Variants in CC2D2A observed in about 807,000 individuals in gnomAD.
The protein encoded by CC2D2A is coiled-coil and C2 domain-containing protein 2A.
Under a neutral mutation model 212.9 loss-of-function variants are expected in CC2D2A, and 155 were observed. The observed-to-expected ratio is 0.73, with a 90% CI of 0.64 to 0.83. The LOEUF (loss-of-function observed/expected upper bound fraction) is 0.83. CC2D2A is among the 40% of genes least tolerant of loss of function. The probability of loss-of-function intolerance (pLI) is 0.00; values close to 1 mark genes in which losing one functional copy is unlikely to be tolerated. For synonymous variants in CC2D2A, 667 were observed against 686.5 expected, an observed-to-expected ratio of 0.97 and a Z score of 0.44; for missense variants, 1,856 against 1,956.2, an observed-to-expected ratio of 0.95 and a Z score of 0.97.
intron 13 of CC2D2A, among the ~76,000 whole-genome samples, chr4:15,530,192 A>T (rs377030635): frequency 1.3e-5 from 2 of 152,084 alleles, no homozygotes; most frequent in Admixed American, 6.5e-5. Context: ...AAGATGGTCT[A>T]GATCTCCTGA....
intron 22 of CC2D2A, among the ~76,000 whole-genome samples, chr4:15,560,072 TCCAC>T: frequency 7.0e-6 from 1 of 143,116 alleles, no homozygotes; most frequent in East Asian, 2.3e-4. Flanking sequence ...GCTCAAGCAA[TCCAC>T]CCACCTTGGC....
At chr4:15,528,547 G>C (rs1339476353) in intron 12 of CC2D2A, 73 bp from the exon 13 acceptor site, 18 of 1,240,924 alleles carry the variant, frequency 1.5e-5, no homozygotes, top group Non-Finnish European at 2.0e-5. Flanking sequence ...CCCAGGAGAA[G>C]TGGGTGGGTC....
intron 4 of CC2D2A, among the ~76,000 whole-genome samples, chr4:15,490,368 A>G (rs1715229721): frequency 6.6e-6 from 1 of 152,218 alleles, no homozygotes; most frequent in African/African-American, 2.4e-5. Flanking sequence ...TTTTCTGAAC[A>G]TTGCATGTAA....
At chr4:15,476,188 C>A (rs13118306) in intron 2 of CC2D2A, among the ~76,000 whole-genome samples, 1 of 152,086 alleles carries the variant, frequency 6.6e-6, no homozygotes, top group East Asian at 1.9e-4. Flanking sequence ...GAGCTCTGCT[C>A]TGCTCTGTGG....
chr4:15,559,845 AGGGG>A (rs143818334), intron 22 of CC2D2A, among the ~76,000 whole-genome samples: 1 of 152,078 alleles, frequency 6.6e-6, no homozygotes, highest in Non-Finnish European at 1.5e-5. Context: ...TATTTGAGAC[AGGGG>A]GCTGGTTGGC....
At chr4:15,497,790 T>C (rs1407453119) in intron 4 of CC2D2A, among the ~76,000 whole-genome samples, 5 of 152,210 alleles carry the variant, frequency 3.3e-5, no homozygotes, top group African/African-American at 9.7e-5. Flanking sequence ...GTTAGCCAAT[T>C]GTACTTCTTT....
At chr4:15,528,006 C>T (rs1396172598) in intron 12 of CC2D2A, among the ~76,000 whole-genome samples, 1 of 152,208 alleles carries the variant, frequency 6.6e-6, no homozygotes, top group African/African-American at 2.4e-5. Context: ...TCCTTAGAAA[C>T]ATTCTCATCT....
chr4:15,553,399 C>T, intron 19 of CC2D2A, 94 bp downstream of exon 19: 2 of 1,362,946 alleles, frequency 1.5e-6, no homozygotes, highest in East Asian at 2.5e-5. Context: ...ATATTCTTTC[C>T]TTTTATTGTC....
At chr4:15,506,844 C>A (rs953561785) in intron 6 of CC2D2A, among the ~76,000 whole-genome samples, 2 of 151,758 alleles carry the variant, frequency 1.3e-5, no homozygotes, top group African/African-American at 2.4e-5. Context: ...GAGGCTGAGG[C>A]GGGCGGATCA....
At chr4:15,558,029 G>A (rs895098205) in intron 21 of CC2D2A, among the ~76,000 whole-genome samples, 1 of 152,168 alleles carries the variant, frequency 6.6e-6, no homozygotes, top group Non-Finnish European at 1.5e-5. Flanking sequence ...GGCAGCAGGA[G>A]GAACAAAGAC....
At chr4:15,541,642 A>AC (rs1475737163) in intron 17 of CC2D2A, among the ~76,000 whole-genome samples, 2 of 151,974 alleles carry the variant, frequency 1.3e-5, no homozygotes, top group Non-Finnish European at 2.9e-5. Context: ...TTTCAACATC[A>AC]CCCTCTACAA....
intron 16 of CC2D2A, among the ~76,000 whole-genome samples, chr4:15,538,431 C>A (rs1395773571): frequency 6.6e-6 from 1 of 152,244 alleles, no homozygotes; most frequent in Non-Finnish European, 1.5e-5. Context: ...TCTCTGCCTG[C>A]TCTTCACAGT....
At chr4:15,558,063 C>T (rs1719379144) in intron 21 of CC2D2A, among the ~76,000 whole-genome samples, 1 of 152,140 alleles carries the variant, frequency 6.6e-6, no homozygotes, top group Admixed American at 6.6e-5. Context: ...GATCGCACCT[C>T]CAGGTGTGGG....
chr4:15,579,588 GC>G (rs1270825088), intron 29 of CC2D2A, among the ~76,000 whole-genome samples: 2 of 151,956 alleles, frequency 1.3e-5, no homozygotes, highest in Admixed American at 1.3e-4. Flanking sequence ...TTCTGGGGCC[GC>G]CCCCCAGCCT....
intron 1 of CC2D2A, among the ~76,000 whole-genome samples, chr4:15,470,354 G>A (rs147703652): frequency 6.6e-6 from 1 of 152,132 alleles, no homozygotes; most frequent in Non-Finnish European, 1.5e-5. Context: ...CATTAGCTGC[G>A]TGTTGCATTT....
At chr4:15,480,433 A>G (rs1254048115) in intron 3 of CC2D2A, among the ~76,000 whole-genome samples, 1 of 152,214 alleles carries the variant, frequency 6.6e-6, no homozygotes, top group Non-Finnish European at 1.5e-5. Context: ...AAATTCCTGC[A>G]GAGCTCTACA....
At chr4:15,479,486 G>C (rs1283120020) in intron 3 of CC2D2A, among the ~76,000 whole-genome samples, 1 of 152,124 alleles carries the variant, frequency 6.6e-6, no homozygotes, top group South Asian at 2.1e-4. Flanking sequence ...CTGCAGAGAG[G>C]GGTGGCCAGG....
intron 23 of CC2D2A, among the ~76,000 whole-genome samples, chr4:15,562,433 A>G (rs1719656086): frequency 6.6e-6 from 1 of 152,192 alleles, no homozygotes; most frequent in South Asian, 2.1e-4. Flanking sequence ...TTCTCCTATG[A>G]TTCACTGACT....
intron 7 of CC2D2A, among the ~76,000 whole-genome samples, chr4:15,510,458 T>C (rs2109006722): frequency 6.6e-6 from 1 of 152,158 alleles, no homozygotes; most frequent in East Asian, 1.9e-4. Context: ...TAGCCAGACA[T>C]GGTGGCACAC....
Sources: allele counts gnomAD v4.1 joint callset (sites outside exome capture counted in the v4.1 genomes callset), GRCh38; gene constraint gnomAD v4.1.1; transcripts MANE v1.5; gene names NCBI Gene and HGNC (gene_info 2026-07-23, HGNC 2026-07-21).